HDAC9: variants seen among roughly 807,000 people sequenced by gnomAD.
HDAC9 encodes the protein histone deacetylase 9.
Under a neutral mutation model 139.4 loss-of-function variants are expected in HDAC9, and 41 were observed. The ratio of observed to expected loss-of-function variants is 0.29; its 90% CI spans 0.23 to 0.38. HDAC9 has a LOEUF of 0.38. Among genes scored for constraint, HDAC9 ranks in the 10% least tolerant of loss-of-function variants. HDAC9 has a pLI of 1.00. For synonymous variants in HDAC9, 517 were observed against 476.2 expected (o/e 1.09, Z -1.12); for missense variants, 1,147 against 1,297.0 (o/e 0.88, Z 1.78).
chr7:18,207,999 C>A (rs1274250898), intron 2 of HDAC9, among the ~76,000 whole-genome samples: 2 of 152,146 alleles, frequency 1.3e-5, no homozygotes, highest in East Asian at 1.9e-4. Context: ...CAGGTGTGAG[C>A]CACTGTGCTC....
At chr7:18,421,305 C>A (rs1430350722) in intron 1 of HDAC9, among the ~76,000 whole-genome samples, 1 of 146,296 alleles carries the variant, frequency 6.8e-6, no homozygotes, top group Non-Finnish European at 1.5e-5. Flanking sequence ...TATCTCAAAA[C>A]TTGCATTAAA....
At chr7:18,835,825 C>T in intron 20 of HDAC9, 75 bp from the exon 21 acceptor site, 2 of 1,082,832 alleles carry the variant, frequency 1.8e-6, no homozygotes, top group Non-Finnish European at 2.7e-6. Context: ...CTCCCATGTG[C>T]TTGTTTTCCT....
intron 13 of HDAC9, among the ~76,000 whole-genome samples, chr7:18,736,638 G>C (rs1309300318): frequency 6.6e-6 from 1 of 152,156 alleles, no homozygotes; most frequent in Middle Eastern, 3.2e-3. Flanking sequence ...CGGTTTGCCA[G>C]GATTTTATTG....
chr7:18,865,468 C>A (rs550547634), intron 21 of HDAC9, among the ~76,000 whole-genome samples: 22 of 152,226 alleles, frequency 1.4e-4, no homozygotes, highest in African/African-American at 5.3e-4. Context: ...AAGAGCAGGA[C>A]TTATTCAGGT....
chr7:18,717,843 A>G (rs1046300243), intron 12 of HDAC9, among the ~76,000 whole-genome samples: 2 of 152,212 alleles, frequency 1.3e-5, no homozygotes, highest in African/African-American at 2.4e-5. Flanking sequence ...GTTACAAAAC[A>G]TGCACACCAA....
chr7:18,784,603 C>A (rs1791538419), intron 16 of HDAC9, among the ~76,000 whole-genome samples: 1 of 151,448 alleles, frequency 6.6e-6, no homozygotes, highest in African/African-American at 2.4e-5. Context: ...GAGGAAGCAT[C>A]TTTATGTTCT....
chr7:18,542,141 T>C (rs1386270875), intron 2 of HDAC9, among the ~76,000 whole-genome samples: 1 of 152,108 alleles, frequency 6.6e-6, no homozygotes, highest in Non-Finnish European at 1.5e-5. Flanking sequence ...GGCAATAAAA[T>C]CATCTCTATT....
In HDAC9 at chr7:19,002,120, A is replaced by C. The variant is rs1786780629; in HGVS notation, c.*6058A>C. ...CTGCTGAGAAAAATACATGTTGCCA[A>C]ACTTTTCTTAAAATTGTGCTGCCAG... On this transcript the variant is annotated 3_prime_UTR_variant, in exon 26 of 26. Coordinates refer to ENST00000686413, the MANE Select transcript of HDAC9 (RefSeq NM_178425.4). 6.6e-6 allele frequency: 1 copy of C among 152,102 alleles called. No individual in the cohort carries two copies. 9.4% of individuals were successfully genotyped at this position (152,102 alleles called of 1,614,324 possible). A position where few individuals can be genotyped will look rare whatever the true frequency, so the allele number is the denominator to read the frequency against.
intron 6 of HDAC9, among the ~76,000 whole-genome samples, chr7:18,614,247 T>C (rs966341221): frequency 5.3e-5 from 8 of 152,160 alleles, no homozygotes; most frequent in Non-Finnish European, 1.2e-4. Flanking sequence ...TTCCAAGGTA[T>C]CTTGCAACTA....
chr7:18,752,435 G>A (rs192600078), intron 14 of HDAC9, among the ~76,000 whole-genome samples: 1 of 152,190 alleles, frequency 6.6e-6, no homozygotes, highest in East Asian at 1.9e-4. Context: ...GATACCCCAA[G>A]GACCCAAATA....
intron 2 of HDAC9, among the ~76,000 whole-genome samples, chr7:18,255,265 G>A (rs1795157428): frequency 6.6e-6 from 1 of 152,196 alleles, no homozygotes; most frequent in Non-Finnish European, 1.5e-5. Flanking sequence ...AGTCAAGCCA[G>A]TATTTTGGAA....
intron 12 of HDAC9, among the ~76,000 whole-genome samples, chr7:18,674,801 A>T (rs1222145354): frequency 1.3e-5 from 2 of 151,990 alleles, no homozygotes; most frequent in East Asian, 1.9e-4. Flanking sequence ...TATATTTTTT[A>T]AACTGGCTTT....
intron 1 of HDAC9, among the ~76,000 whole-genome samples, chr7:18,102,556 A>G (rs769310856): frequency 6.6e-6 from 1 of 152,206 alleles, no homozygotes; most frequent in Non-Finnish European, 1.5e-5. Flanking sequence ...AATATAAATA[A>G]TTTATAGAAT....
At chr7:18,357,582 G>A (rs896145649) in intron 1 of HDAC9, among the ~76,000 whole-genome samples, 1 of 151,550 alleles carries the variant, frequency 6.6e-6, no homozygotes, top group Non-Finnish European at 1.5e-5. Context: ...CATAATTACA[G>A]ATTGAAATCA....
intron 2 of HDAC9, among the ~76,000 whole-genome samples, chr7:18,256,828 A>G (rs1194994288): frequency 1.3e-5 from 2 of 152,090 alleles, no homozygotes; most frequent in Non-Finnish European, 2.9e-5. Flanking sequence ...GGGCTCATGC[A>G]TGTAATCCCA....
intron 2 of HDAC9, among the ~76,000 whole-genome samples, chr7:18,530,566 A>C (rs1414097913): frequency 6.6e-6 from 1 of 152,126 alleles, no homozygotes; most frequent in Non-Finnish European, 1.5e-5. Flanking sequence ...TAGAAAAAAA[A>C]GAAACTTGTT....
At chr7:18,323,771 G>A (rs1037364052) in intron 1 of HDAC9, among the ~76,000 whole-genome samples, 5 of 152,066 alleles carry the variant, frequency 3.3e-5, no homozygotes, top group Admixed American at 1.3e-4. Flanking sequence ...GGAAAAGTCA[G>A]GTGTCTTAGT....
chr7:18,791,613 T>A (rs188460889), intron 16 of HDAC9, among the ~76,000 whole-genome samples: 1 of 152,258 alleles, frequency 6.6e-6, no homozygotes, highest in East Asian at 1.9e-4. Flanking sequence ...CATGATGGTA[T>A]CGACTATGAT....
chr7:18,266,952 T>A (rs1022789917), intron 2 of HDAC9, among the ~76,000 whole-genome samples: 2 of 94,640 alleles, frequency 2.1e-5, no homozygotes, highest in Non-Finnish European at 4.2e-5. Context: ...TTTTAAGAAT[T>A]TTCAAACTGA....
Sources: allele counts gnomAD v4.1 joint callset (sites outside exome capture counted in the v4.1 genomes callset), GRCh38; gene constraint gnomAD v4.1.1; transcripts MANE v1.5; gene names NCBI Gene and HGNC (gene_info 2026-07-23, HGNC 2026-07-21).